ERC2: variants seen among roughly 807,000 people sequenced by gnomAD.
The protein encoded by ERC2 is ELKS/RAB6-interacting/CAST family member 2.
Under a neutral mutation model 114.8 loss-of-function variants are expected in ERC2, and 42 were observed. That is an observed-to-expected ratio of 0.37 (90% confidence interval 0.29 to 0.47). The LOEUF (loss-of-function observed/expected upper bound fraction) is 0.47, where lower values mean the gene tolerates loss of function less well. Ranked by LOEUF, ERC2 falls within the 20% of genes least tolerant of loss-of-function variation. The pLI is 0.99. For synonymous variants in ERC2, 454 were observed against 425.5 expected, an observed-to-expected ratio of 1.07 and a Z score of -0.82; for missense variants, 939 against 1,150.7, an observed-to-expected ratio of 0.82 and a Z score of 2.66.
chr3:55,609,666 A>G (rs923067398), intron 17 of ERC2, among the ~76,000 whole-genome samples: 1 of 152,042 alleles, frequency 6.6e-6, no homozygotes, highest in African/African-American at 2.4e-5. Flanking sequence ...TCGAGGATGG[A>G]ATCAATCCAC....
At position 55,791,452 on chromosome 3, in the gene ERC2, T is replaced by C. The variant is rs1310432060; in HGVS notation, c.2565-56534A>G. On this transcript the variant is annotated intron_variant, in intron 14 of 17. Coordinates refer to ENST00000288221, the MANE Select transcript of ERC2 (RefSeq NM_015576.3). ...GACATGTAATGAACTATATTAAATA[T>C]GAAAATCTTACTATGTTTTTCCACT... Among the ~76,000 whole-genome samples the C allele has an allele frequency of 6.6e-5, 10 of 152,138 alleles. 1 individual carries two copies. Among genetic ancestry groups the C allele is most frequent in the Non-Finnish European group, 1.2e-4 (8 of 68,018 alleles).
chr3:56,251,669 A>G (rs1332300621), intron 3 of ERC2, among the ~76,000 whole-genome samples: 1 of 152,268 alleles, frequency 6.6e-6, no homozygotes, highest in Admixed American at 6.5e-5. Context: ...TCTTGATAGC[A>G]GGATTCTGCC....
At chr3:55,605,080 C>A (rs2058583630) in intron 17 of ERC2, among the ~76,000 whole-genome samples, 2 of 152,034 alleles carry the variant, frequency 1.3e-5, no homozygotes, top group African/African-American at 4.8e-5. Context: ...CAGAATAAAT[C>A]AATCAGTGAA....
At chr3:55,975,843 C>A (rs1367420335) in intron 12 of ERC2, among the ~76,000 whole-genome samples, 1 of 152,192 alleles carries the variant, frequency 6.6e-6, no homozygotes, top group Non-Finnish European at 1.5e-5. Flanking sequence ...ACCTCTCTTG[C>A]CATTGCTTAG....
At chr3:55,947,460 C>G (rs2067200839) in intron 13 of ERC2, among the ~76,000 whole-genome samples, 1 of 152,228 alleles carries the variant, frequency 6.6e-6, no homozygotes, top group African/African-American at 2.4e-5. Context: ...CTTTTCCAAT[C>G]TGTGACTTGG....
intron 17 of ERC2, among the ~76,000 whole-genome samples, chr3:55,637,129 G>A (rs527448310): frequency 6.6e-6 from 1 of 152,310 alleles, no homozygotes; most frequent in African/African-American, 2.4e-5. Flanking sequence ...GCCTGTGGCT[G>A]AGGCCCTGAC....
chr3:56,000,218 T>C (rs1384321606), intron 10 of ERC2, among the ~76,000 whole-genome samples: 1 of 151,974 alleles, frequency 6.6e-6, no homozygotes, highest in African/African-American at 2.4e-5. Flanking sequence ...GAACTAAAGA[T>C]GGATAAAGGG....
intron 14 of ERC2, among the ~76,000 whole-genome samples, chr3:55,826,079 AC>A (rs1426712744): frequency 6.6e-6 from 1 of 152,094 alleles, no homozygotes; most frequent in African/African-American, 2.4e-5. Context: ...TGCTACAAAA[AC>A]CGCAGAGCTT....
chr3:56,233,197 T>C (rs2050738493), intron 3 of ERC2, among the ~76,000 whole-genome samples: 1 of 152,262 alleles, frequency 6.6e-6, no homozygotes, highest in African/African-American at 2.4e-5. Flanking sequence ...CCCTAAGTCA[T>C]AATTTCTGTC....
chr3:56,032,850 G>T (rs1012281926), intron 7 of ERC2, among the ~76,000 whole-genome samples: 3 of 102,224 alleles, frequency 2.9e-5, no homozygotes, highest in African/African-American at 1.1e-4. Context: ...AAGAACAAAA[G>T]AAAGAAAGGA....
intron 7 of ERC2, among the ~76,000 whole-genome samples, chr3:56,068,619 T>C (rs1261111024): frequency 6.6e-6 from 1 of 152,176 alleles, no homozygotes; most frequent in Non-Finnish European, 1.5e-5. Flanking sequence ...CTTCTCTAGA[T>C]CTTTTAGTTT....
At chr3:55,757,783 A>G (rs1417136644) in intron 14 of ERC2, among the ~76,000 whole-genome samples, 2 of 152,178 alleles carry the variant, frequency 1.3e-5, no homozygotes, top group African/African-American at 4.8e-5. Flanking sequence ...AACATAAATT[A>G]TTTATCAATA....
chr3:56,060,121 A>G (rs537888656), intron 7 of ERC2, among the ~76,000 whole-genome samples: 1 of 152,346 alleles, frequency 6.6e-6, no homozygotes, highest in East Asian at 1.9e-4. Context: ...ATTATCTTAG[A>G]ATGAGTTCTA....
chr3:55,804,007 TG>T (rs1487394610), intron 14 of ERC2, among the ~76,000 whole-genome samples: 2 of 152,208 alleles, frequency 1.3e-5, no homozygotes, highest in Non-Finnish European at 2.9e-5. Context: ...GTCTATTGAC[TG>T]GAAGTTATAC....
chr3:55,933,068 G>C (rs1020528872), intron 13 of ERC2, among the ~76,000 whole-genome samples: 1 of 152,068 alleles, frequency 6.6e-6, no homozygotes, highest in Non-Finnish European at 1.5e-5. Flanking sequence ...AATTAACCAG[G>C]CATGGTGGTG....
rs975324052 is a variant in ERC2 at position 55,749,746 on chromosome 3, G to A, written c.2565-14828C>T. 7.2e-5 allele frequency among the ~76,000 whole-genome samples: 11 copies of A among 152,242 alleles called. No homozygotes were observed. The South Asian group carries it at 1.0e-3, about 14-fold the overall frequency. The stretch of plus-strand genomic sequence containing the variant: ...AAATCTGGCCACCCCAGCCAGCAGC[G>A]GCAACCCACTTGGGTCCCCTTCCAC... On this transcript the variant is annotated intron_variant, in intron 14 of 17. Coordinates refer to ENST00000288221, the MANE Select transcript of ERC2 (RefSeq NM_015576.3).
At chr3:56,404,359 C>T (rs189542974) in intron 2 of ERC2, among the ~76,000 whole-genome samples, 4 of 152,190 alleles carry the variant, frequency 2.6e-5, no homozygotes, top group Non-Finnish European at 2.9e-5. Context: ...CCTCATCATG[C>T]ATATTAATTA....
intron 3 of ERC2, among the ~76,000 whole-genome samples, chr3:56,244,315 A>T (rs2051528081): frequency 6.6e-6 from 1 of 152,352 alleles, no homozygotes; most frequent in East Asian, 1.9e-4. Flanking sequence ...AGCAATGATA[A>T]TAAATGACTA....
intron 14 of ERC2, among the ~76,000 whole-genome samples, chr3:55,802,773 T>C (rs1003884515): frequency 7.2e-5 from 11 of 152,196 alleles, no homozygotes; most frequent in African/African-American, 2.7e-4. Flanking sequence ...ATTTTTTTTT[T>C]CTGAAGGATT....
Sources: gnomAD v4.1 joint callset for allele counts (sites outside exome capture counted in the v4.1 genomes callset) on GRCh38, gnomAD v4.1.1 for gene constraint, MANE v1.5 for transcripts, NCBI Gene and HGNC (gene_info 2026-07-23, HGNC 2026-07-21) for gene names.